The following FGF12 variants were observed in gnomAD, a reference collection of about 807,000 sequenced individuals.
FGF12 encodes the protein fibroblast growth factor 12.
A neutral mutation model predicts 23.6 loss-of-function variants in FGF12; 14 were observed. That is an observed-to-expected ratio of 0.59 (90% confidence interval 0.39 to 0.93). FGF12 has a LOEUF of 0.93. Among genes scored for constraint, FGF12 ranks in the 40% least tolerant of loss-of-function variants. The pLI is 0.00. For missense variants in FGF12, 175 were observed against 217.8 expected, an observed-to-expected ratio of 0.80 and a Z score of 1.24; for synonymous variants, 62 against 77.3, an observed-to-expected ratio of 0.80 and a Z score of 1.04.
At chr3:192,594,144 C>T (rs760632376) in intron 2 of FGF12, among the ~76,000 whole-genome samples, 1 of 151,832 alleles carries the variant, frequency 6.6e-6, no homozygotes, top group African/African-American at 2.4e-5. Context: ...AGTTGGATAA[C>T]AGGCTTTGAT....
chr3:192,173,308 A>G (rs958205102), intron 4 of FGF12, among the ~76,000 whole-genome samples: 1 of 150,926 alleles, frequency 6.6e-6, no homozygotes, highest in Admixed American at 6.6e-5. Flanking sequence ...AATGAAAAAA[A>G]ATCAGATAAA....
At chr3:192,522,328 G>T (rs1421726629) in intron 2 of FGF12, among the ~76,000 whole-genome samples, 1 of 152,022 alleles carries the variant, frequency 6.6e-6, no homozygotes, top group Non-Finnish European at 1.5e-5. Flanking sequence ...ATATGAATTA[G>T]ATAGAAGATA....
chr3:192,553,394 C>T (rs182883707), intron 2 of FGF12, among the ~76,000 whole-genome samples: 29 of 152,128 alleles, frequency 1.9e-4, no homozygotes, highest in African/African-American at 6.7e-4. Flanking sequence ...ATATGAAATA[C>T]TACAATGGTA....
rs1361591252 is a variant in FGF12 at position 192,154,170 on chromosome 3, C to T, written c.428-10043G>A. Among the ~76,000 whole-genome samples the T allele has an allele frequency of 3.5e-4, 39 of 110,686 alleles. 2 individuals carry two copies. The South Asian group carries it at 8.1e-3, about 23-fold the overall frequency. 72.6% of individuals were successfully genotyped at this position (110,686 alleles called of 152,430 possible). ...GCCTTGGTTTTCAGCTCCATCAGCT[C>T]CTTTAAGCACTTCTCTGTATTGGTT... On this transcript the variant is annotated intron_variant, in intron 5 of 5. Transcript: ENST00000445105.
At chr3:192,405,746 C>T (rs1720932802) in intron 2 of FGF12, among the ~76,000 whole-genome samples, 1 of 152,230 alleles carries the variant, frequency 6.6e-6, no homozygotes, top group Non-Finnish European at 1.5e-5. Context: ...GGTGCTATCT[C>T]TCTATAAATA....
At chr3:192,551,556 G>A (rs1711528136) in intron 2 of FGF12, among the ~76,000 whole-genome samples, 1 of 152,214 alleles carries the variant, frequency 6.6e-6, no homozygotes, top group Admixed American at 6.5e-5. Flanking sequence ...GAGTGAGAAA[G>A]CTTCACTGAG....
chr3:192,564,444 T>G (rs1404895250), intron 2 of FGF12, among the ~76,000 whole-genome samples: 1 of 152,210 alleles, frequency 6.6e-6, no homozygotes, highest in Non-Finnish European at 1.5e-5. Context: ...TCATGTCCAC[T>G]TTATGCTTCG....
rs115356390 is a variant in FGF12 at position 192,520,245 on chromosome 3, G to C, written c.14-159707C>G. 4.6e-3 allele frequency among the ~76,000 whole-genome samples: 696 copies of C among 152,308 alleles called. 4 individuals carry two copies. Among genetic ancestry groups the C allele is most frequent in the African/African-American group, 0.016 (675 of 41,554 alleles). On this transcript the variant is annotated intron_variant, in intron 2 of 5. Coordinates refer to ENST00000445105, the MANE Select transcript of FGF12 (RefSeq NM_004113.6). ...TCATGTAGAGCTAGAGATAGAGATAGATATCGTTAATACTTCAATCCTAAG... is the reference window on the plus strand; with the variant it reads ...TCATGTAGAGCTAGAGATAGAGATACATATCGTTAATACTTCAATCCTAAG...
At chr3:192,451,539 G>A (rs1722521311) in intron 2 of FGF12, among the ~76,000 whole-genome samples, 1 of 152,168 alleles carries the variant, frequency 6.6e-6, no homozygotes, top group South Asian at 2.1e-4. Flanking sequence ...ATAAGTTTGT[G>A]ATGATTAGTA....
intron 2 of FGF12, among the ~76,000 whole-genome samples, chr3:192,669,284 A>C (rs951004229): frequency 2.0e-5 from 3 of 152,122 alleles, no homozygotes; most frequent in African/African-American, 7.2e-5. Context: ...TGATTGACAG[A>C]TGGAACAGCT....
intron 2 of FGF12, among the ~76,000 whole-genome samples, chr3:192,470,286 A>G (rs1266114663): frequency 1.3e-5 from 2 of 152,242 alleles, no homozygotes; most frequent in Non-Finnish European, 1.5e-5. Context: ...TTAATTCAAA[A>G]CGACATGCGA....
intron 4 of FGF12, among the ~76,000 whole-genome samples, chr3:192,198,961 A>C (rs1228981748): frequency 6.6e-6 from 1 of 152,184 alleles, no homozygotes; most frequent in Non-Finnish European, 1.5e-5. Context: ...ATTCTGGAAA[A>C]TTTTACACAT....
At chr3:192,680,688 A>T (rs1038325785) in intron 2 of FGF12, among the ~76,000 whole-genome samples, 1 of 152,216 alleles carries the variant, frequency 6.6e-6, no homozygotes, top group Non-Finnish European at 1.5e-5. Flanking sequence ...CTCTCTTTTA[A>T]CCATAGCATC....
At chr3:192,412,534 CAA>C (rs1576963264) in intron 2 of FGF12, among the ~76,000 whole-genome samples, 1 of 152,204 alleles carries the variant, frequency 6.6e-6, no homozygotes, top group East Asian at 1.9e-4. Context: ...AATCGGACAA[CAA>C]AGACTACTTT....
At chr3:192,190,642 A>AT (rs531630848) in intron 4 of FGF12, among the ~76,000 whole-genome samples, 101 of 149,856 alleles carry the variant, frequency 6.7e-4, no homozygotes, top group African/African-American at 2.4e-3. Context: ...CGCCCGGCTA[A>AT]TTTTTTGTAT....
At chr3:192,445,296 C>T (rs1004085342) in intron 2 of FGF12, among the ~76,000 whole-genome samples, 2 of 152,178 alleles carry the variant, frequency 1.3e-5, no homozygotes, top group Admixed American at 6.5e-5. Flanking sequence ...GGCTGAATCC[C>T]AGGAAGGGGC....
intron 4 of FGF12, among the ~76,000 whole-genome samples, chr3:192,312,881 C>T (rs184934685): frequency 1.3e-4 from 20 of 152,122 alleles, no homozygotes; most frequent in African/African-American, 4.6e-4. Flanking sequence ...TGTCTTCTAC[C>T]ATGATTAAAG....
rs563315531 is a variant in FGF12, at chr3:192,397,292, G to A, written c.14-36754C>T. Among the ~76,000 whole-genome samples, 20 of 152,352 alleles carry A rather than the reference G, an allele frequency of 1.3e-4. No homozygotes were observed. In the South Asian group the frequency reaches 3.9e-3, roughly 30 times the overall value. On this transcript the variant is annotated intron_variant, in intron 2 of 5. Transcript: ENST00000445105. Reference sequence around the variant, plus strand: ...AATGGCCCAGGGATTGTCAGGGAAAGACAGGTGAGGCAAGGAGGCAATGAG... The same window carrying A: ...AATGGCCCAGGGATTGTCAGGGAAAAACAGGTGAGGCAAGGAGGCAATGAG...
At chr3:192,702,144 T>G (rs1379657134) in intron 2 of FGF12, among the ~76,000 whole-genome samples, 1 of 152,240 alleles carries the variant, frequency 6.6e-6, no homozygotes, top group Non-Finnish European at 1.5e-5. Flanking sequence ...TCTGGCTTAT[T>G]TCCCTTAATG....
Sources: allele counts gnomAD v4.1 joint callset (sites outside exome capture counted in the v4.1 genomes callset), GRCh38; gene constraint gnomAD v4.1.1; transcripts MANE v1.5; gene names NCBI Gene and HGNC (gene_info 2026-07-23, HGNC 2026-07-21).